Variants in ARAP2 observed in about 807,000 individuals in gnomAD.
ARAP2 encodes arf-GAP with Rho-GAP domain, ANK repeat and PH domain-containing protein 2.
Under a neutral mutation model 194.5 loss-of-function variants are expected in ARAP2, and 148 were observed. The observed-to-expected ratio is 0.76, with a 90% CI of 0.67 to 0.87. The LOEUF is 0.87. Among genes scored for constraint, ARAP2 ranks in the 40% least tolerant of loss-of-function variants. ARAP2 has a pLI of 0.00. For synonymous variants in ARAP2, 695 were observed against 683.5 expected (o/e 1.02, Z -0.26); for missense variants, 2,128 against 1,989.7 (o/e 1.07, Z -1.32).
At chr4:36,133,432 T>A (rs761593012) in intron 19 of ARAP2, 43 bp from the exon 20 acceptor site, 27 of 1,515,028 alleles carry the variant, frequency 1.8e-5, no homozygotes, top group South Asian at 3.6e-5. Flanking sequence ...TTTTGCTCTT[T>A]AAAAAAAAAT....
At chr4:36,059,941 A>C (rs1014351475) in intron 1 of ARAP2, among the ~76,000 whole-genome samples, 1 of 152,166 alleles carries the variant, frequency 6.6e-6, no homozygotes, top group African/African-American at 2.4e-5. Context: ...AGAAAGAATG[A>C]GAGGTTAAAA....
rs2109340992 is a variant in ARAP2, at chr4:36,229,563, A to G, written c.-77T>C. ...CACACACAAGAAGATGTACTTCTCT[A>G]CTGGCTTTTCCTCTATCAATTGTGA... On this transcript the variant is annotated 5_prime_UTR_variant, in exon 2 of 33. Transcript: ENST00000303965. The G allele has an allele frequency of 3.4e-6, 4 of 1,175,286 alleles. No individual in the cohort carries two copies. In the African/African-American group the frequency reaches 4.6e-5, roughly 14 times the overall value. The allele number at this position is 1,175,286 out of a possible 1,614,324, so 72.8% of individuals were successfully genotyped here.
intron 32 of ARAP2, among the ~76,000 whole-genome samples, chr4:36,072,240 G>C (rs975910036): frequency 1.3e-5 from 2 of 151,930 alleles, no homozygotes; most frequent in African/African-American, 2.4e-5. Context: ...CTTACAAAGA[G>C]CTTGGTTTAT....
At chr4:36,025,494 T>C (rs148625510) in intron 5 of ARAP2, among the ~76,000 whole-genome samples, 2 of 152,252 alleles carry the variant, frequency 1.3e-5, no homozygotes, top group African/African-American at 4.8e-5. Context: ...TATTTTTTGT[T>C]TTGTTAAATG....
Position 36,137,484 on chromosome 4 carries a change from T to C in ARAP2, c.3264-4095A>G, listed in dbSNP as rs533794101. 2.6e-5 allele frequency among the ~76,000 whole-genome samples: 4 copies of C among 152,002 alleles called. No individual in the cohort carries two copies. In the East Asian group the frequency reaches 7.8e-4, roughly 30 times the overall value. ...CATGGACATTTTGTTTCCTTCTTTA[T>C]ACATGTCTGTGTTTTTAAAAATGTA... On this transcript the variant is annotated intron_variant, in intron 19 of 32. Coordinates refer to ENST00000303965, the MANE Select transcript of ARAP2 (RefSeq NM_015230.4).
At chr4:36,203,771 C>T (rs537840059) in intron 6 of ARAP2, among the ~76,000 whole-genome samples, 41 of 152,016 alleles carry the variant, frequency 2.7e-4, no homozygotes, top group Admixed American at 7.2e-4. Context: ...ACGGTGCTTC[C>T]GATCAGTTTT....
chr4:36,028,147 T>C (rs1718247209), intron 5 of ARAP2, among the ~76,000 whole-genome samples: 1 of 152,226 alleles, frequency 6.6e-6, no homozygotes, highest in Non-Finnish European at 1.5e-5. Context: ...TAATTTTACA[T>C]CTATGTTCTT....
intron 22 of ARAP2, among the ~76,000 whole-genome samples, chr4:36,124,642 A>T (rs182487171): frequency 6.6e-6 from 1 of 151,988 alleles, no homozygotes; most frequent in Non-Finnish European, 1.5e-5. Flanking sequence ...TGAGTTTTTA[A>T]ATTCTTGCTT....
At chr4:36,235,749 G>A (rs1406408312) in intron 1 of ARAP2, among the ~76,000 whole-genome samples, 2 of 152,164 alleles carry the variant, frequency 1.3e-5, no homozygotes, top group African/African-American at 2.4e-5. Context: ...GGAGCGGATT[G>A]ATTTCAAGCA....
chr4:36,078,260 A>G (rs1728687902), intron 31 of ARAP2, among the ~76,000 whole-genome samples: 1 of 152,124 alleles, frequency 6.6e-6, no homozygotes, highest in South Asian at 2.1e-4. Flanking sequence ...TTAGTGTCAC[A>G]GTGGAGAAGT....
chr4:36,097,918 T>G (rs1312583144), intron 27 of ARAP2, among the ~76,000 whole-genome samples: 1 of 152,114 alleles, frequency 6.6e-6, no homozygotes, highest in Admixed American at 6.6e-5. Flanking sequence ...TAAGTTATAC[T>G]GAGCTATCAA....
chr4:36,191,611 C>A, intron 7 of ARAP2, among the ~76,000 whole-genome samples: 1 of 149,744 alleles, frequency 6.7e-6, no homozygotes, highest in Non-Finnish European at 1.5e-5. Flanking sequence ...AAGATAAAGA[C>A]AATAAAGAAA....
In ARAP2 at chr4:36,244,290, G is replaced by A. The variant is rs533432862; in HGVS notation, c.-271C>T. The A allele has an allele frequency of 7.8e-4, 119 of 151,998 alleles. No homozygotes were observed. The highest frequency in any genetic ancestry group is 2.8e-3 in the African/African-American group (115 of 41,494). 9.4% of individuals were successfully genotyped at this position (151,998 alleles called of 1,614,324 possible). The stretch of plus-strand genomic sequence containing the variant: ...CGGTCCTCGCCCCTCTGCCGGAGGC[G>A]CCAGGCCTCCTCTTTCCCGGTCCCC... On this transcript the variant is annotated 5_prime_UTR_variant, in exon 1 of 33. Transcript: ENST00000303965.
intron 1 of ARAP2, among the ~76,000 whole-genome samples, chr4:36,241,670 C>T (rs552055824): frequency 5.9e-5 from 9 of 152,060 alleles, no homozygotes; most frequent in African/African-American, 2.2e-4. Flanking sequence ...ATACCAAAGA[C>T]ACCACAAAAA....
chr4:36,244,163 G>A lies in ARAP2; in HGVS notation c.-160+16C>T, dbSNP rs1754165003. On this transcript the variant is annotated intron_variant, in intron 1 of 32. Transcript: ENST00000303965. The stretch of plus-strand genomic sequence containing the variant: ...GGCCATCCCGGCCCAGCCTTCCCGA[G>A]GCCCCGGGTACTCGCCTTGCGCTCG... The A allele has an allele frequency of 1.3e-5, 2 of 152,034 alleles. No individual in the cohort carries two copies. Among genetic ancestry groups the A allele is most frequent in the South Asian group, 4.1e-4 (2 of 4,822 alleles). The allele number at this position is 152,034 out of a possible 1,614,324, so 9.4% of individuals were successfully genotyped here. A position where few individuals can be genotyped will look rare whatever the true frequency, so the allele number is the denominator to read the frequency against.
In ARAP2 at chr4:36,119,651, T is replaced by A. The variant is rs1722217089; in HGVS notation, c.3962A>T (p.Gln1321Leu). The A allele has an allele frequency of 6.3e-7, 1 of 1,594,112 alleles. No individual in the cohort carries two copies. Among genetic ancestry groups the A allele is most frequent in the Non-Finnish European group, 8.6e-7 (1 of 1,163,880 alleles). ...NSFITKWKDTQVSQAGDLLIE... is the reference protein window; with the variant it reads ...NSFITKWKDTLVSQAGDLLIE... ...AGAGATCTAACTATTACTACTCACT[T>A]GGGTGTCTTTCCACTTGGTAATAAA... The change falls in exon 24 of 33, where the codon CAA becomes CTA. Residue 1321 changes from glutamine (Q) to leucine (L), a missense_variant and splice_region_variant. Gln to Leu is a moderately radical substitution (Grantham distance 113). Transcript: ENST00000303965.
At chr4:36,029,198 G>A (rs766425181) in intron 5 of ARAP2, among the ~76,000 whole-genome samples, 5 of 151,914 alleles carry the variant, frequency 3.3e-5, no homozygotes, top group Non-Finnish European at 7.4e-5. Flanking sequence ...TAAGCATAGT[G>A]TGTCGAAGGC....
downstream of ARAP2, among the ~76,000 whole-genome samples, chr4:36,064,883 T>C (rs1019269084): frequency 2.0e-5 from 3 of 151,756 alleles, no homozygotes; most frequent in African/African-American, 7.3e-5. Context: ...GATAAGAGAA[T>C]AGAAAGGGTG....
At chr4:36,044,371 T>C (rs1303117579) in intron 5 of ARAP2, among the ~76,000 whole-genome samples, 1 of 152,140 alleles carries the variant, frequency 6.6e-6, no homozygotes, top group East Asian at 1.9e-4. Context: ...TGGTTTGCTA[T>C]TGAGATATTG....
Sources: gnomAD v4.1 joint callset for allele counts (sites outside exome capture counted in the v4.1 genomes callset) on GRCh38, gnomAD v4.1.1 for gene constraint, MANE v1.5 for transcripts, NCBI Gene and HGNC (gene_info 2026-07-23, HGNC 2026-07-21) for gene names.